The following LRRC8D variants were observed in gnomAD, a reference collection of about 807,000 sequenced individuals.
The protein encoded by LRRC8D is leucine rich repeat containing 8 VRAC subunit D.
A neutral mutation model predicts 55.8 loss-of-function variants in LRRC8D; 20 were observed. That is an observed-to-expected ratio of 0.36 (90% CI 0.25 to 0.52). LRRC8D has a LOEUF of 0.52. LRRC8D is among the 20% of genes least tolerant of loss of function. LRRC8D has a pLI of 0.93. For synonymous variants in LRRC8D, 352 were observed against 377.0 expected, an observed-to-expected ratio of 0.93 and a Z score of 0.77; for missense variants, 651 against 1,030.8, an observed-to-expected ratio of 0.63 and a Z score of 5.05.
intron 2 of LRRC8D, among the ~76,000 whole-genome samples, chr1:89,914,135 GTTA>G (rs1319132288): frequency 6.6e-6 from 1 of 152,200 alleles, no homozygotes; most frequent in Non-Finnish European, 1.5e-5. Context: ...ATCTTGCTAT[GTTA>G]TCCACTTTGG....
intron 2 of LRRC8D, among the ~76,000 whole-genome samples, chr1:89,926,233 G>T (rs1207439256): frequency 1.3e-5 from 2 of 152,212 alleles, no homozygotes; most frequent in Non-Finnish European, 2.9e-5. Context: ...GTATTAAGGT[G>T]ATAGCAATGC....
chr1:89,880,955 C>A (rs1165976182), intron 2 of LRRC8D, among the ~76,000 whole-genome samples: 1 of 152,106 alleles, frequency 6.6e-6, no homozygotes, highest in Non-Finnish European at 1.5e-5. Flanking sequence ...AAGCTCATCA[C>A]TCTAATGCCA....
intron 2 of LRRC8D, among the ~76,000 whole-genome samples, chr1:89,874,548 G>A (rs1662103291): frequency 6.6e-6 from 1 of 151,720 alleles, no homozygotes; most frequent in Non-Finnish European, 1.5e-5. Context: ...ACCCTTCAGT[G>A]ACTTTATCAC....
intron 2 of LRRC8D, among the ~76,000 whole-genome samples, chr1:89,922,264 C>A (rs2100974674): frequency 6.6e-6 from 1 of 152,138 alleles, no homozygotes; most frequent in African/African-American, 2.4e-5. Flanking sequence ...CGGGTTTCAT[C>A]ATGTTGGCCA....
At chr1:89,852,926 G>A (rs1661457381) in intron 2 of LRRC8D, among the ~76,000 whole-genome samples, 1 of 152,158 alleles carries the variant, frequency 6.6e-6, no homozygotes, top group Non-Finnish European at 1.5e-5. Context: ...CCATGTCTAG[G>A]GCCATGCATT....
At chr1:89,925,824 A>G (rs1448114226) in intron 2 of LRRC8D, among the ~76,000 whole-genome samples, 2 of 152,186 alleles carry the variant, frequency 1.3e-5, no homozygotes, top group Non-Finnish European at 2.9e-5. Context: ...GCATTAATTC[A>G]AGTCCTGTGG....
intron 2 of LRRC8D, among the ~76,000 whole-genome samples, chr1:89,909,531 C>G (rs545982026): frequency 3.3e-5 from 5 of 151,650 alleles, no homozygotes; most frequent in South Asian, 2.1e-4. Flanking sequence ...GTACATCGTT[C>G]AGGAGCAGCA....
intron 1 of LRRC8D, among the ~76,000 whole-genome samples, chr1:89,830,135 C>G (rs1297343562): frequency 6.6e-6 from 1 of 152,160 alleles, no homozygotes; most frequent in African/African-American, 2.4e-5. Context: ...TAGGCTGTTT[C>G]ATTCGTGCCT....
intron 2 of LRRC8D, among the ~76,000 whole-genome samples, chr1:89,918,292 C>T (rs1340095145): frequency 1.3e-5 from 2 of 152,182 alleles, no homozygotes; most frequent in African/African-American, 4.8e-5. Flanking sequence ...GAATAATAAC[C>T]AGCAGCTGTT....
chr1:89,918,584 C>T (rs1355706461), intron 2 of LRRC8D, among the ~76,000 whole-genome samples: 2 of 152,306 alleles, frequency 1.3e-5, no homozygotes, highest in Admixed American at 6.5e-5. Context: ...GTTTGTTTGC[C>T]ACTGCCCCAG....
chr1:89,933,570 C>G lies in LRRC8D; in HGVS notation c.502C>G (p.Leu168Val). The change falls in exon 3 of 3, where the codon CTA (leucine) becomes GTA (valine). Residue 168 changes from leucine to valine, a missense_variant. Leu to Val is a conservative substitution (Grantham distance 32). Transcript: ENST00000337338. The surrounding 1 kb of genome is among the most constrained non-coding windows in gnomAD (Gnocchi z 7.0). Reference protein sequence around the residue: ...LPWYSKYFPYLALIHTIILMV... With the variant: ...LPWYSKYFPYVALIHTIILMV... ...GTGGTATTCTAAGTACTTTCCATAC[C>G]TAGCTCTTATACATACTATTATTCT... 6.2e-7 allele frequency: 1 copy of G among 1,614,098 alleles called. No homozygotes were observed. The highest frequency in any genetic ancestry group is 1.1e-5 in the South Asian group (1 of 91,070).
chr1:89,829,211 G>A (rs1442068983), intron 1 of LRRC8D, among the ~76,000 whole-genome samples: 1 of 152,140 alleles, frequency 6.6e-6, no homozygotes, highest in East Asian at 1.9e-4. Flanking sequence ...TAACTTAGCT[G>A]GTTAAGAAGT....
intron 2 of LRRC8D, among the ~76,000 whole-genome samples, chr1:89,861,956 T>C (rs1661729697): frequency 6.6e-6 from 1 of 152,194 alleles, no homozygotes; most frequent in African/African-American, 2.4e-5. Flanking sequence ...AACATAACTT[T>C]GGGGAATAGC....
At chr1:89,847,863 G>A (rs552856809) in intron 2 of LRRC8D, among the ~76,000 whole-genome samples, 1 of 152,276 alleles carries the variant, frequency 6.6e-6, no homozygotes, top group Non-Finnish European at 1.5e-5. Flanking sequence ...AATGACTTCA[G>A]CATCTTCCTG....
intron 2 of LRRC8D, among the ~76,000 whole-genome samples, chr1:89,919,032 A>T (rs1553128741): frequency 6.6e-6 from 1 of 152,170 alleles, no homozygotes; most frequent in Non-Finnish European, 1.5e-5. Context: ...GAGGCATTGA[A>T]ACCCAAGTGG....
chr1:89,906,785 C>T (rs1249923982), intron 2 of LRRC8D, among the ~76,000 whole-genome samples: 2 of 152,062 alleles, frequency 1.3e-5, no homozygotes, highest in Non-Finnish European at 2.9e-5. Flanking sequence ...GGAGTAATGA[C>T]TACAGAAGTG....
At chr1:89,907,722 C>A (rs1027436335) in intron 2 of LRRC8D, among the ~76,000 whole-genome samples, 4 of 152,198 alleles carry the variant, frequency 2.6e-5, no homozygotes, top group Non-Finnish European at 4.4e-5. Context: ...TGTGACCCCA[C>A]AGCATTTTGT....
At chr1:89,836,073 A>G (rs1478706836) in intron 1 of LRRC8D, among the ~76,000 whole-genome samples, 1 of 152,214 alleles carries the variant, frequency 6.6e-6, no homozygotes, top group Non-Finnish European at 1.5e-5. Flanking sequence ...CTCTTCCTGC[A>G]TATTGGCTAC....
At chr1:89,903,856 T>G (rs998934142) in intron 2 of LRRC8D, among the ~76,000 whole-genome samples, 2 of 152,202 alleles carry the variant, frequency 1.3e-5, no homozygotes, top group African/African-American at 2.4e-5. Context: ...TGGCTCTGAG[T>G]TTATTTCTCC....
Sources: gnomAD v4.1 joint callset for allele counts (sites outside exome capture counted in the v4.1 genomes callset) on GRCh38, gnomAD v4.1.1 for gene constraint, Gnocchi (gnomAD v3.1) non-coding constraint, MANE v1.5 for transcripts, NCBI Gene and HGNC (gene_info 2026-07-23, HGNC 2026-07-21) for gene names.